The following RIMS2 variants were observed in gnomAD, a reference collection of about 807,000 sequenced individuals.
RIMS2 encodes regulating synaptic membrane exocytosis protein 2.
RIMS2 carries 59 observed loss-of-function variants against 174.4 expected under a neutral mutation model. That is an observed-to-expected ratio of 0.34 (90% CI 0.27 to 0.42). The LOEUF (loss-of-function observed/expected upper bound fraction) is 0.42, where lower values mean the gene tolerates loss of function less well. RIMS2 is among the 10% of genes least tolerant of loss of function. The pLI is 1.00. For missense variants in RIMS2, 1,620 were observed against 1,666.3 expected (o/e 0.97, Z 0.48); for synonymous variants, 606 against 572.5 (o/e 1.06, Z -0.84).
chr8:103,889,146 A>G (rs913915487), intron 4 of RIMS2, among the ~76,000 whole-genome samples: 12 of 151,714 alleles, frequency 7.9e-5, no homozygotes, highest in Non-Finnish European at 7.4e-5. Context: ...AATTACCTTT[A>G]GAAGTATCTA....
chr8:104,138,820 AT>A (rs1369568375), intron 19 of RIMS2, among the ~76,000 whole-genome samples: 4 of 152,212 alleles, frequency 2.6e-5, no homozygotes, highest in African/African-American at 9.6e-5. Context: ...CTTGTGAGGT[AT>A]TACTCGAGAA....
intron 19 of RIMS2, among the ~76,000 whole-genome samples, chr8:104,084,555 A>G (rs1471076067): frequency 6.6e-6 from 1 of 151,754 alleles, no homozygotes; most frequent in Non-Finnish European, 1.5e-5. Flanking sequence ...GCATCAAAGG[A>G]CAATGCCCTT....
chr8:104,232,217 T>C (rs1344659228), intron 19 of RIMS2, among the ~76,000 whole-genome samples: 1 of 152,230 alleles, frequency 6.6e-6, no homozygotes, highest in Non-Finnish European at 1.5e-5. Flanking sequence ...TCTATGTTGT[T>C]ATTGTGGAAT....
chr8:104,053,349 T>G (rs2096820059), intron 19 of RIMS2, among the ~76,000 whole-genome samples: 1 of 152,188 alleles, frequency 6.6e-6, no homozygotes, highest in South Asian at 2.1e-4. Flanking sequence ...TAAAAACTCA[T>G]TGTTTTTATT....
chr8:103,994,632 A>T (rs533247166), intron 17 of RIMS2, among the ~76,000 whole-genome samples: 1 of 152,244 alleles, frequency 6.6e-6, no homozygotes, highest in Admixed American at 6.5e-5. Flanking sequence ...GCAGCAAAGG[A>T]CCTTGAGTAT....
At chr8:103,908,990 T>C (rs1244325368) in intron 4 of RIMS2, among the ~76,000 whole-genome samples, 3 of 152,202 alleles carry the variant, frequency 2.0e-5, no homozygotes, top group Non-Finnish European at 4.4e-5. Flanking sequence ...TCAGAAACCA[T>C]GGTGTTCCTT....
intron 14 of RIMS2, among the ~76,000 whole-genome samples, chr8:103,947,527 A>G (rs920008076): frequency 1.5e-4 from 23 of 152,228 alleles, no homozygotes; most frequent in Non-Finnish European, 5.9e-5. Flanking sequence ...GAATACTATA[A>G]GCAATTGTAA....
chr8:103,827,455 T>C (rs1340767522), intron 3 of RIMS2, among the ~76,000 whole-genome samples: 1 of 152,240 alleles, frequency 6.6e-6, no homozygotes, highest in Non-Finnish European at 1.5e-5. Flanking sequence ...TTTATTTCTT[T>C]TTATTGCCTT....
At chr8:103,540,009 A>G (rs1398827243) in intron 1 of RIMS2, among the ~76,000 whole-genome samples, 1 of 152,244 alleles carries the variant, frequency 6.6e-6, no homozygotes, top group Non-Finnish European at 1.5e-5. Context: ...AACTCTGTGC[A>G]CATCTGTGTT....
intron 3 of RIMS2, among the ~76,000 whole-genome samples, chr8:103,789,692 T>G (rs567146055): frequency 8.5e-5 from 13 of 152,074 alleles, no homozygotes; most frequent in Non-Finnish European, 1.8e-4. Flanking sequence ...TGACTTTGCT[T>G]ATATTATTCT....
At chr8:103,554,780 A>G (rs956168338) in intron 1 of RIMS2, among the ~76,000 whole-genome samples, 1 of 152,202 alleles carries the variant, frequency 6.6e-6, no homozygotes, top group Non-Finnish European at 1.5e-5. Flanking sequence ...TCATGGAATC[A>G]GTCCAGATAT....
intron 6 of RIMS2, among the ~76,000 whole-genome samples, chr8:103,912,809 A>G (rs1386426160): frequency 6.6e-6 from 1 of 152,254 alleles, no homozygotes; most frequent in East Asian, 1.9e-4. Context: ...AGTATAACCA[A>G]TTAAAACCTG....
At chr8:103,634,684 A>C (rs182187356) in intron 1 of RIMS2, among the ~76,000 whole-genome samples, 1 of 152,174 alleles carries the variant, frequency 6.6e-6, no homozygotes, top group Non-Finnish European at 1.5e-5. Flanking sequence ...AACTTGCTTT[A>C]TGAATCTGGT....
chr8:104,124,883 A>G lies in RIMS2; in HGVS notation c.3334+110268A>G, dbSNP rs74610157. Among the ~76,000 whole-genome samples, 279 of 152,298 alleles carry G rather than the reference A, an allele frequency of 1.8e-3. 2 individuals are homozygous for G. Among genetic ancestry groups the G allele is most frequent in the African/African-American group, 6.4e-3 (268 of 41,576 alleles). ...ATTCTGTGATTTGTCAGTTTGCCCT[A>G]TAGAGAACAAAGAGCACTTTGATTT... On this transcript the variant is annotated intron_variant, in intron 19 of 23. Coordinates refer to ENST00000504942, the Ensembl canonical transcript of RIMS2.
chr8:103,553,089 T>A (rs1253737666), intron 1 of RIMS2, among the ~76,000 whole-genome samples: 3 of 152,124 alleles, frequency 2.0e-5, no homozygotes, highest in African/African-American at 4.8e-5. Flanking sequence ...AGCCATCCTA[T>A]TACTGGGTAT....
intron 3 of RIMS2, among the ~76,000 whole-genome samples, chr8:103,860,248 C>G (rs1167433617): frequency 6.6e-6 from 1 of 152,130 alleles, no homozygotes; most frequent in East Asian, 1.9e-4. Context: ...TTTGAGAGTG[C>G]AGGTTCTAGA....
At position 104,027,777 on chromosome 8, in the gene RIMS2, A is replaced by C. The variant is rs545967045; in HGVS notation, c.3334+13162A>C. Among the ~76,000 whole-genome samples, 13 of 152,198 alleles carry C rather than the reference A, an allele frequency of 8.5e-5. 1 individual carries two copies. Among genetic ancestry groups the C allele is most frequent in the Non-Finnish European group, 1.6e-4 (11 of 68,024 alleles). On this transcript the variant is annotated intron_variant, in intron 19 of 23. Transcript: ENST00000504942. ...AAATTGTAAACTAAGATAATTTTTC[A>C]GTGCTTATCCTTATCTGTCAGTTCT...
intron 19 of RIMS2, among the ~76,000 whole-genome samples, chr8:104,157,370 A>G (rs1562401): frequency 0.24 from 36,679 of 152,180 alleles, 5,156 homozygotes; most frequent in Non-Finnish European, 0.32. Context: ...ACATATTTTT[A>G]AAATACTTTT....
chr8:103,758,770 A>G (rs921523959), intron 2 of RIMS2, among the ~76,000 whole-genome samples: 4 of 152,242 alleles, frequency 2.6e-5, no homozygotes, highest in Non-Finnish European at 1.5e-5. Flanking sequence ...AAGAAAGGTT[A>G]AAAGTTTAGA....
Sources: allele counts gnomAD v4.1 joint callset (sites outside exome capture counted in the v4.1 genomes callset), GRCh38; gene constraint gnomAD v4.1.1; transcripts MANE v1.5; gene names NCBI Gene and HGNC (gene_info 2026-07-23, HGNC 2026-07-21).